Variants in ABCB1 observed in about 807,000 individuals in gnomAD.
ABCB1 encodes the protein ATP-dependent translocase ABCB1.
ABCB1 carries 69 observed loss-of-function variants against 142.0 expected under a neutral mutation model. That is an observed-to-expected ratio of 0.49 (90% CI 0.40 to 0.59). The LOEUF (loss-of-function observed/expected upper bound fraction) is 0.59, where lower values mean the gene tolerates loss of function less well. Ranked by LOEUF, ABCB1 falls within the 20% of genes least tolerant of loss-of-function variation. The pLI, the probability that ABCB1 is intolerant of heterozygous loss-of-function variation, is 0.00. For synonymous variants in ABCB1, 532 were observed against 539.2 expected (o/e 0.99, Z 0.18); for missense variants, 1,326 against 1,554.7 (o/e 0.85, Z 2.47).
At chr7:87,552,457 T>G (rs951116600) in intron 9 of ABCB1, among the ~76,000 whole-genome samples, 3 of 152,162 alleles carry the variant, frequency 2.0e-5, no homozygotes, top group African/African-American at 7.2e-5. Context: ...ATACAGCTAA[T>G]AAGTGACAAA....
intron 1 of ABCB1, among the ~76,000 whole-genome samples, chr7:87,666,561 C>T (rs1378254067): frequency 2.6e-5 from 4 of 152,066 alleles, no homozygotes; most frequent in Non-Finnish European, 5.9e-5. Context: ...GAAATCTCTG[C>T]CCATTCCTAT....
intron 9 of ABCB1, among the ~76,000 whole-genome samples, chr7:87,552,864 T>C (rs1036683294): frequency 1.9e-4 from 29 of 152,216 alleles, no homozygotes; most frequent in Middle Eastern, 6.8e-3. Context: ...GTGACTCTTC[T>C]AACAGTGTAT....
At chr7:87,598,332 T>C (rs2129992636) in intron 2 of ABCB1, among the ~76,000 whole-genome samples, 1 of 152,362 alleles carries the variant, frequency 6.6e-6, no homozygotes, top group Admixed American at 6.5e-5. Flanking sequence ...ACAGACTAAA[T>C]GTTTTTGCAG....
chr7:87,704,290 G>A (rs1439384045), intron 1 of ABCB1, among the ~76,000 whole-genome samples: 1 of 152,006 alleles, frequency 6.6e-6, no homozygotes, highest in South Asian at 2.1e-4. Flanking sequence ...TAAGGTTTAG[G>A]CTAAGGTTAA....
intron 1 of ABCB1, among the ~76,000 whole-genome samples, chr7:87,616,476 G>A (rs1820035768): frequency 6.6e-6 from 1 of 152,310 alleles, no homozygotes; most frequent in South Asian, 2.1e-4. Flanking sequence ...TCAAAATCAT[G>A]GAGCTCTTGC....
chr7:87,701,120 T>A (rs551739093), intron 1 of ABCB1, among the ~76,000 whole-genome samples: 1 of 152,354 alleles, frequency 6.6e-6, no homozygotes, highest in East Asian at 1.9e-4. Flanking sequence ...TACTGAAATA[T>A]GATGGTTGCT....
chr7:87,700,563 T>C, intron 1 of ABCB1: 1 of 1,603,528 alleles, frequency 6.2e-7, no homozygotes, highest in African/African-American at 1.3e-5. Context: ...AGGTAAGACA[T>C]TGGTCAGAGA....
At chr7:87,519,294 A>G in intron 23 of ABCB1, 32 bp downstream of exon 23, 1 of 1,602,362 alleles carries the variant, frequency 6.2e-7, no homozygotes, top group Non-Finnish European at 8.5e-7. Context: ...CTTTATTTTT[A>G]GAGCTTAACT....
At chr7:87,537,712 C>A (rs1178329836) in intron 19 of ABCB1, among the ~76,000 whole-genome samples, 1 of 152,040 alleles carries the variant, frequency 6.6e-6, no homozygotes, top group Non-Finnish European at 1.5e-5. Flanking sequence ...TGATTTGAGT[C>A]AAAAACAAAT....
At chr7:87,513,023 T>TGTAAAATC (rs1366193947) in intron 25 of ABCB1, among the ~76,000 whole-genome samples, 1 of 152,214 alleles carries the variant, frequency 6.6e-6, no homozygotes, top group Non-Finnish European at 1.5e-5. Flanking sequence ...AGATGCACAG[T>TGTAAAATC]GTAAAATCTG....
chr7:87,626,251 A>G (rs1359366303), intron 1 of ABCB1, among the ~76,000 whole-genome samples: 14 of 84,094 alleles, frequency 1.7e-4, no homozygotes, highest in Admixed American at 4.1e-4. Context: ...TATATATGTC[A>G]TATATATGTG....
intron 2 of ABCB1, among the ~76,000 whole-genome samples, chr7:87,598,777 T>C (rs992848468): frequency 6.6e-6 from 1 of 152,224 alleles, no homozygotes. Flanking sequence ...GAGTTGGCCA[T>C]TGGAAGCATC....
intron 4 of ABCB1, among the ~76,000 whole-genome samples, chr7:87,580,504 T>C (rs1307235040): frequency 1.3e-5 from 2 of 152,200 alleles, no homozygotes; most frequent in East Asian, 3.9e-4. Context: ...CTTTTGGGAA[T>C]TTGATTGTTA....
chr7:87,610,790 GA>G (rs1183065304), intron 1 of ABCB1, among the ~76,000 whole-genome samples: 1 of 152,206 alleles, frequency 6.6e-6, no homozygotes, highest in Non-Finnish European at 1.5e-5. Context: ...TGCCCAGACA[GA>G]ACTCTTAATC....
intron 1 of ABCB1, among the ~76,000 whole-genome samples, chr7:87,655,194 A>G (rs1823974762): frequency 6.6e-6 from 1 of 152,162 alleles, no homozygotes; most frequent in African/African-American, 2.4e-5. Flanking sequence ...TAGAACCTCC[A>G]TGTAAACCAG....
intron 3 of ABCB1, among the ~76,000 whole-genome samples, chr7:87,586,889 G>A (rs1367136948): frequency 2.3e-5 from 2 of 85,766 alleles, no homozygotes; most frequent in African/African-American, 6.9e-5. Context: ...ATTAAGATAT[G>A]GTGTGTAAAA....
At position 87,550,025 on chromosome 7, in the gene ABCB1, G is replaced by T. The variant is rs1476113315; in HGVS notation, c.1380C>A (p.Thr460=). Residue 460 remains threonine, a synonymous_variant, in exon 13 of 28, where the codon ACC becomes ACA. Transcript: ENST00000622132. ...MVSVDGQDIR[T]INVRFLREII... is the part of the protein sequence containing the mutation. ...TTTCCCGTAGAAACCTTACATTTAT[G>T]GTCCTAATATCCTGTCCATCAACAC... The T allele has an allele frequency of 4.3e-6, 7 of 1,614,152 alleles. No individual in the cohort carries two copies. Among genetic ancestry groups the T allele is most frequent in the Non-Finnish European group, 5.1e-6 (6 of 1,180,022 alleles).
intron 4 of ABCB1, among the ~76,000 whole-genome samples, chr7:87,575,318 T>G (rs1433046999): frequency 6.6e-6 from 1 of 152,242 alleles, no homozygotes; most frequent in African/African-American, 2.4e-5. Context: ...TGAAATTATA[T>G]TGAAAAGGTG....
chr7:87,610,827 A>T (rs1281323078), intron 1 of ABCB1, among the ~76,000 whole-genome samples: 1 of 152,206 alleles, frequency 6.6e-6, no homozygotes, highest in Non-Finnish European at 1.5e-5. Context: ...CTTCTCATTC[A>T]GCATGCATAT....
Sources: allele counts gnomAD v4.1 joint callset (sites outside exome capture counted in the v4.1 genomes callset), GRCh38; gene constraint gnomAD v4.1.1; transcripts MANE v1.5; gene names NCBI Gene and HGNC (gene_info 2026-07-23, HGNC 2026-07-21).